Variants in ST6GALNAC3 observed in about 807,000 individuals in gnomAD.
ST6GALNAC3 encodes the protein ST6 N-acetylgalactosaminide alpha-2,6-sialyltransferase 3.
In ST6GALNAC3, 25 loss-of-function variants were observed where a neutral mutation model predicts 32.7. That is an observed-to-expected ratio of 0.76 (90% confidence interval 0.56 to 1.07). The LOEUF is 1.07. Among genes scored for constraint, ST6GALNAC3 ranks in the 50% least tolerant of loss-of-function variants. ST6GALNAC3 has a pLI of 0.00. For missense variants in ST6GALNAC3, 355 were observed against 382.4 expected (o/e 0.93, Z 0.60); for synonymous variants, 129 against 133.1 (o/e 0.97, Z 0.21).
At chr1:76,382,077 T>C (rs1399818223) in intron 2 of ST6GALNAC3, among the ~76,000 whole-genome samples, 1 of 152,160 alleles carries the variant, frequency 6.6e-6, no homozygotes, top group Non-Finnish European at 1.5e-5. Context: ...AGCTAGATTC[T>C]AATAGTATGG....
At chr1:76,610,522 C>A (rs1168554914) in intron 3 of ST6GALNAC3, among the ~76,000 whole-genome samples, 1 of 152,070 alleles carries the variant, frequency 6.6e-6, no homozygotes, top group African/African-American at 2.4e-5. Flanking sequence ...AGGCTGGGAA[C>A]AAAGTGGGGT....
In ST6GALNAC3 at chr1:76,271,231, G is replaced by T. The variant is rs137893135; in HGVS notation, c.19-42574G>T. Among the ~76,000 whole-genome samples the T allele has an allele frequency of 1.7e-4, 26 of 152,298 alleles. No homozygotes were observed. The East Asian group carries it at 4.4e-3, about 26-fold the overall frequency. ...ATTTGGCAAGAGACTTCCTTGCTGA[G>T]AATTTTGCGGGCTGTGGTATGGGTG... On this transcript the variant is annotated intron_variant, in intron 1 of 4. Transcript: ENST00000328299.
At chr1:76,552,081 G>T (rs1269919276) in intron 3 of ST6GALNAC3, among the ~76,000 whole-genome samples, 2 of 152,166 alleles carry the variant, frequency 1.3e-5, no homozygotes, top group Admixed American at 6.5e-5. Context: ...GCAGTGTAGC[G>T]GAGGCTGGGC....
chr1:76,243,323 G>A (rs1283847037), intron 1 of ST6GALNAC3, among the ~76,000 whole-genome samples: 1 of 151,972 alleles, frequency 6.6e-6, no homozygotes, highest in Non-Finnish European at 1.5e-5. Context: ...TTGTAAATTT[G>A]TTTAAGTTCC....
intron 1 of ST6GALNAC3, among the ~76,000 whole-genome samples, chr1:76,154,579 A>G (rs1651276126): frequency 6.6e-6 from 1 of 152,132 alleles, no homozygotes; most frequent in African/African-American, 2.4e-5. Context: ...ACGCTCACAG[A>G]AGCATCCGCC....
At chr1:76,379,221 C>G (rs79458615) in intron 2 of ST6GALNAC3, among the ~76,000 whole-genome samples, 1 of 152,114 alleles carries the variant, frequency 6.6e-6, no homozygotes, top group African/African-American at 2.4e-5. Flanking sequence ...TTCCTAGTTT[C>G]TCTTCCTTTT....
At chr1:76,186,991 C>T (rs1653596194) in intron 1 of ST6GALNAC3, among the ~76,000 whole-genome samples, 1 of 152,162 alleles carries the variant, frequency 6.6e-6, no homozygotes, top group African/African-American at 2.4e-5. Context: ...CATATCCATC[C>T]CTTCCTCCCA....
intron 1 of ST6GALNAC3, among the ~76,000 whole-genome samples, chr1:76,244,980 TTTG>T (rs1443236104): frequency 6.6e-6 from 1 of 152,084 alleles, no homozygotes; most frequent in East Asian, 1.9e-4. Flanking sequence ...CTCTTTTTCT[TTTG>T]TTTGGAATAG....
intron 3 of ST6GALNAC3, among the ~76,000 whole-genome samples, chr1:76,597,733 T>C (rs1259123641): frequency 6.6e-6 from 1 of 152,140 alleles, no homozygotes; most frequent in African/African-American, 2.4e-5. Flanking sequence ...GTAGAGAGCT[T>C]CTGTTTTTTA....
In ST6GALNAC3 at chr1:76,181,895, G is replaced by A. The variant is rs1467522257; in HGVS notation, c.18+107011G>A. 2.0e-5 allele frequency among the ~76,000 whole-genome samples: 3 copies of A among 152,174 alleles called. No homozygotes were observed. In the East Asian group the frequency reaches 5.8e-4, roughly 29 times the overall value. On this transcript the variant is annotated intron_variant, in intron 1 of 4. Coordinates refer to ENST00000328299, the MANE Select transcript of ST6GALNAC3 (RefSeq NM_152996.4). ...AAAAATGAATGCAAATCAGGAACCA[G>A]CTGGAGGCAGATTTGCATGATTATT...
chr1:76,325,953 A>G (rs147267311), intron 2 of ST6GALNAC3, among the ~76,000 whole-genome samples: 114 of 152,114 alleles, frequency 7.5e-4, no homozygotes, highest in African/African-American at 2.2e-3. Context: ...TCACCTCTGT[A>G]TGAATTTCAG....
intron 1 of ST6GALNAC3, among the ~76,000 whole-genome samples, chr1:76,112,875 C>T (rs941175572): frequency 6.6e-6 from 1 of 151,808 alleles, no homozygotes; most frequent in African/African-American, 2.4e-5. Flanking sequence ...GGCAGAGAGG[C>T]TCCTCACATC....
At chr1:76,139,200 A>AG (rs1203594200) in intron 1 of ST6GALNAC3, among the ~76,000 whole-genome samples, 233 of 145,108 alleles carry the variant, frequency 1.6e-3, no homozygotes, top group African/African-American at 5.9e-3. Context: ...TCTCAATGGA[A>AG]AAAAAAAAAA....
chr1:76,076,985 CCACCTTTGAG>C (rs67660545), intron 1 of ST6GALNAC3, among the ~76,000 whole-genome samples: 39,700 of 151,902 alleles, frequency 0.26, 6,266 homozygotes, highest in Non-Finnish European at 0.36. Flanking sequence ...TCAGTTCCAA[CCACCTTTGAG>C]CACCTTTGAG....
chr1:76,437,132 A>G (rs1427931280), intron 3 of ST6GALNAC3, among the ~76,000 whole-genome samples: 3 of 152,146 alleles, frequency 2.0e-5, no homozygotes, highest in African/African-American at 7.2e-5. Flanking sequence ...GTACAATATT[A>G]CAAAATAAGG....
intron 2 of ST6GALNAC3, among the ~76,000 whole-genome samples, chr1:76,351,127 AG>A (rs1384958133): frequency 6.6e-6 from 1 of 152,182 alleles, no homozygotes; most frequent in Non-Finnish European, 1.5e-5. Context: ...ATTCATACAA[AG>A]ATTCGGCTAC....
chr1:76,265,368 C>A (rs756613532), intron 1 of ST6GALNAC3, among the ~76,000 whole-genome samples: 5 of 152,078 alleles, frequency 3.3e-5, no homozygotes, highest in African/African-American at 4.8e-5. Context: ...CCCAGCATTG[C>A]TAATCATTTT....
At chr1:76,325,418 A>C (rs1424685038) in intron 2 of ST6GALNAC3, among the ~76,000 whole-genome samples, 3 of 152,094 alleles carry the variant, frequency 2.0e-5, no homozygotes, top group Non-Finnish European at 4.4e-5. Flanking sequence ...ATACTTACAC[A>C]CTATAACAGT....
chr1:76,332,423 T>G (rs1647205005), intron 2 of ST6GALNAC3, among the ~76,000 whole-genome samples: 1 of 152,204 alleles, frequency 6.6e-6, no homozygotes, highest in Admixed American at 6.5e-5. Context: ...TGAGATTGAT[T>G]TTCCTATGTT....
Sources: gnomAD v4.1 joint callset for allele counts (sites outside exome capture counted in the v4.1 genomes callset) on GRCh38, gnomAD v4.1.1 for gene constraint, MANE v1.5 for transcripts, NCBI Gene and HGNC (gene_info 2026-07-23, HGNC 2026-07-21) for gene names.